Variants in DGKD observed in about 807,000 individuals in gnomAD.
The protein encoded by DGKD is DAG kinase delta.
DGKD carries 68 observed loss-of-function variants against 154.4 expected under a neutral mutation model. That is an observed-to-expected ratio of 0.44 (90% CI 0.36 to 0.54). The LOEUF (loss-of-function observed/expected upper bound fraction) is 0.54, where lower values mean the gene tolerates loss of function less well. Ranked by LOEUF, DGKD falls within the 20% of genes least tolerant of loss-of-function variation. The pLI, the probability that DGKD is intolerant of heterozygous loss-of-function variation, is 0.00. For synonymous variants in DGKD, 693 were observed against 638.0 expected, an observed-to-expected ratio of 1.09 and a Z score of -1.30; for missense variants, 1,343 against 1,593.6, an observed-to-expected ratio of 0.84 and a Z score of 2.68.
Position 233,438,452 on chromosome 2 carries a change from A to G in DGKD, c.1085+73A>G, listed in dbSNP as rs1575120303. The G allele has an allele frequency of 6.7e-7, 1 of 1,501,778 alleles. No homozygotes were observed. The highest frequency in any genetic ancestry group is 2.3e-5 in the East Asian group (1 of 43,710). 93.0% of individuals were successfully genotyped at this position (1,501,778 alleles called of 1,614,324 possible). A position where few individuals can be genotyped will look rare whatever the true frequency, so the allele number is the denominator to read the frequency against. On this transcript the variant is annotated intron_variant, in intron 9 of 29. Transcript: ENST00000264057. The surrounding 1 kb of genome is among the most constrained non-coding windows in gnomAD (Gnocchi z 4.1). ...TAGATAGTGTGTGCTTGTTAAAAAA[A>G]AAAAGTTCAAAGACACAAAGCTTTA... is the stretch of plus-strand genomic sequence containing the variant.
chr2:233,413,377 A>G (rs2061875904), intron 3 of DGKD, among the ~76,000 whole-genome samples: 1 of 151,568 alleles, frequency 6.6e-6, no homozygotes, highest in South Asian at 2.1e-4. Context: ...TTTGGGGTAA[A>G]GTTTTTGATA....
intron 1 of DGKD, among the ~76,000 whole-genome samples, chr2:233,371,567 T>G (rs1162868030): frequency 6.6e-6 from 1 of 152,272 alleles, no homozygotes; most frequent in Admixed American, 6.5e-5. Context: ...TTTTTTCTTT[T>G]GTTGCTCGTG....
chr2:233,426,044 A>G (rs1315603240), intron 3 of DGKD, among the ~76,000 whole-genome samples: 2 of 152,218 alleles, frequency 1.3e-5, no homozygotes, highest in Non-Finnish European at 2.9e-5. Context: ...AAAACATTTG[A>G]TCTCTGTGAA....
chr2:233,460,367 TTGCG>T, intron 24 of DGKD, 22 bp downstream of exon 24: 1 of 1,612,926 alleles, frequency 6.2e-7, no homozygotes, highest in Non-Finnish European at 8.5e-7. Context: ...CCCCTCTGCG[TTGCG>T]CATGAGCCTC....
At chr2:233,373,226 A>C (rs1302426055) in intron 1 of DGKD, among the ~76,000 whole-genome samples, 4 of 152,206 alleles carry the variant, frequency 2.6e-5, no homozygotes, top group Non-Finnish European at 4.4e-5. Context: ...TGGAGAAATA[A>C]AGAGGCGAAG....
chr2:233,397,028 C>CCAGGGTGGCTGGCAGAG (rs1559501379), intron 3 of DGKD, among the ~76,000 whole-genome samples: 2 of 4,652 alleles, frequency 4.3e-4, no homozygotes, highest in African/African-American at 2.1e-3. Context: ...GGGGGGGGGG[C>CCAGGGTGGCTGGCAGAG]GCCAGAGTGA....
At chr2:233,414,052 G>C (rs114384759) in intron 3 of DGKD, among the ~76,000 whole-genome samples, 1,552 of 152,230 alleles carry the variant, frequency 0.01, 32 homozygotes, top group African/African-American at 0.035. Flanking sequence ...ACAATTCCAG[G>C]AGGCTCTTGA....
At chr2:233,443,030 T>C (rs566543842) in intron 10 of DGKD, among the ~76,000 whole-genome samples, 2 of 152,360 alleles carry the variant, frequency 1.3e-5, no homozygotes, top group Non-Finnish European at 2.9e-5. Flanking sequence ...CTCACCTCCA[T>C]GTGTGAGCAC....
rs1322556546 is a variant in DGKD at position 233,354,883 on chromosome 2, G to A, written c.156+209G>A. Among the ~76,000 whole-genome samples, 1 of 145,506 alleles carries A rather than the reference G, an allele frequency of 6.9e-6. No individual in the cohort carries two copies. The highest frequency in any genetic ancestry group is 2.5e-5 in the African/African-American group (1 of 40,638). On this transcript the variant is annotated intron_variant, in intron 1 of 29. Coordinates refer to ENST00000264057, the MANE Select transcript of DGKD (RefSeq NM_152879.3). The surrounding 1 kb of genome is among the most constrained non-coding windows in gnomAD (Gnocchi z 4.8). ...GCGCGGCCCCCGACGGACGGCGGGCGGCTGTGGGGCCGGGCGGGGGGCGCG... is the reference window on the plus strand; with the variant it reads ...GCGCGGCCCCCGACGGACGGCGGGCAGCTGTGGGGCCGGGCGGGGGGCGCG...
chr2:233,461,571 G>T (rs1177652997), intron 24 of DGKD, among the ~76,000 whole-genome samples: 1 of 152,254 alleles, frequency 6.6e-6, no homozygotes, highest in Non-Finnish European at 1.5e-5. Context: ...TCAGTGATGG[G>T]GCTGGAGGAC....
At chr2:233,432,915 A>G (rs2062577320) in intron 3 of DGKD, among the ~76,000 whole-genome samples, 1 of 152,228 alleles carries the variant, frequency 6.6e-6, no homozygotes, top group Non-Finnish European at 1.5e-5. Context: ...CCCAGTTACA[A>G]TGACTTTTAT....
intron 23 of DGKD, 43 bp from the exon 24 acceptor site, chr2:233,460,151 A>G: frequency 6.2e-7 from 1 of 1,602,698 alleles, no homozygotes; most frequent in Non-Finnish European, 8.5e-7. Flanking sequence ...AGTCAGATGC[A>G]TGCTTCAGAG....
chr2:233,466,286 C>G (rs925107727), intron 27 of DGKD, among the ~76,000 whole-genome samples: 9 of 151,392 alleles, frequency 5.9e-5, no homozygotes, highest in African/African-American at 2.2e-4. Context: ...AACTCTAATA[C>G]CATAATTGTA....
intron 1 of DGKD, among the ~76,000 whole-genome samples, chr2:233,385,559 GTGGCCCGGCA>G (rs1703126727): frequency 2.0e-5 from 3 of 152,216 alleles, no homozygotes; most frequent in Admixed American, 6.5e-5. Context: ...TAAGAGCCCG[GTGGCCCGGCA>G]TGGCCCGAGC....
intron 3 of DGKD, among the ~76,000 whole-genome samples, chr2:233,410,262 AG>A (rs1243992111): frequency 6.6e-6 from 1 of 152,032 alleles, no homozygotes; most frequent in African/African-American, 2.4e-5. Context: ...TTGAAGAAAG[AG>A]GGGGGGCTCA....
At chr2:233,468,712 C>G (rs954284611) in intron 29 of DGKD, among the ~76,000 whole-genome samples, 159 bp downstream of exon 29, 1 of 152,176 alleles carries the variant, frequency 6.6e-6, no homozygotes, top group Non-Finnish European at 1.5e-5. Flanking sequence ...CTCATCTAGG[C>G]AGTGATGGCT....
chr2:233,387,128 T>C (rs748766391), intron 1 of DGKD, among the ~76,000 whole-genome samples: 8 of 152,250 alleles, frequency 5.3e-5, no homozygotes, highest in Admixed American at 2.0e-4. Flanking sequence ...GTGGGGGACA[T>C]GAGCCTCCTG....
chr2:233,362,332 G>C (rs770760177), intron 1 of DGKD, among the ~76,000 whole-genome samples: 7 of 152,074 alleles, frequency 4.6e-5, no homozygotes, highest in Admixed American at 2.0e-4. Flanking sequence ...AGAAGTGAGA[G>C]AAAATTGAGG....
intron 3 of DGKD, among the ~76,000 whole-genome samples, chr2:233,400,075 C>G (rs923663967): frequency 6.6e-6 from 1 of 152,232 alleles, no homozygotes; most frequent in African/African-American, 2.4e-5. Context: ...TGCACAGTTT[C>G]TTCTCCTCAC....
Sources: gnomAD v4.1 joint callset for allele counts (sites outside exome capture counted in the v4.1 genomes callset) on GRCh38, gnomAD v4.1.1 for gene constraint, Gnocchi (gnomAD v3.1) non-coding constraint, MANE v1.5 for transcripts, NCBI Gene and HGNC (gene_info 2026-07-23, HGNC 2026-07-21) for gene names.